Variants in HSPB7 observed in about 807,000 individuals in gnomAD.
The protein encoded by HSPB7 is heat shock protein family B (small) member 7.
A neutral mutation model predicts 11.0 loss-of-function variants in HSPB7; 9 were observed. That is an observed-to-expected ratio of 0.82 (90% confidence interval 0.49 to 1.43). The LOEUF is 1.43. HSPB7 is among the 40% of genes most tolerant of loss of function. The pLI is 0.00. For missense variants in HSPB7, 246 were observed against 243.9 expected, an observed-to-expected ratio of 1.01 and a Z score of -0.06; for synonymous variants, 102 against 101.6, an observed-to-expected ratio of 1.00 and a Z score of -0.02.
At chr1:16,018,201 G>C, upstream of HSPB7, 1 of 1,498,312 alleles carries the variant, frequency 6.7e-7, no homozygotes, top group Non-Finnish European at 9.0e-7. Context: ...CACGCAGGCC[G>C]AGAGGGCTGA....
upstream of HSPB7, chr1:16,018,193 C>G: frequency 6.6e-7 from 1 of 1,508,534 alleles, no homozygotes; most frequent in Non-Finnish European, 8.9e-7. Context: ...CAGCCCGACA[C>G]GCAGGCCGAG....
At chr1:16,017,471 C>A (rs754153353) in intron 1 of HSPB7, 20 of 587,942 alleles carry the variant, frequency 3.4e-5, no homozygotes, top group Non-Finnish European at 5.9e-5. Flanking sequence ...TGCCCCCCAC[C>A]GCTCACCCAT....
At position 16,015,083 on chromosome 1, in the gene HSPB7, T is replaced by C. The variant is rs2021598295; in HGVS notation, c.*497A>G. On this transcript the variant is annotated 3_prime_UTR_variant, in exon 3 of 3. Coordinates refer to ENST00000311890, the MANE Select transcript of HSPB7 (RefSeq NM_014424.5). The surrounding 1 kb of genome is among the most constrained non-coding windows in gnomAD (Gnocchi z 4.9). ...GTTTACCGTCACGGCTGTCTCCTCT[T>C]GGCCTTGCTGAGCCCTCGGGCAATT... 6.5e-6 allele frequency: 1 copy of C among 153,988 alleles called. No homozygotes were observed. The highest frequency in any genetic ancestry group is 1.4e-5 in the Non-Finnish European group (1 of 69,098). The allele number at this position is 153,988 out of a possible 1,614,324, so 9.5% of individuals were successfully genotyped here.
At chr1:16,017,349 A>C in intron 1 of HSPB7, 142 bp from the exon 2 acceptor site, 2 of 1,080,788 alleles carry the variant, frequency 1.9e-6, no homozygotes, top group Non-Finnish European at 2.7e-6. Context: ...GCTCCTCCTC[A>C]TTCCTACAGC....
At chr1:16,016,216 G>A (rs529599919) in intron 2 of HSPB7, among the ~76,000 whole-genome samples, 1 of 152,252 alleles carries the variant, frequency 6.6e-6, no homozygotes, top group Non-Finnish European at 1.5e-5. Flanking sequence ...ACTGTTGGGG[G>A]TGGCAGGGCT....
chr1:16,015,698 A>G lies in HSPB7; in HGVS notation c.395T>C (p.Val132Ala). ...FAHKCQLPED[V>A]DPTSVTSALR... is the part of the protein sequence containing the mutation. ...AGCCGAGGTCACCGACGTCGGGTCC[A>G]CGTCCTCCGGCAGCTGGCACTTGTG... The change falls in exon 3 of 3, where the codon GTG becomes GCG. Residue 132 changes from valine to alanine, a missense_variant. By Grantham distance (64) the Val-to-Ala change is moderately conservative. Coordinates refer to ENST00000311890, the MANE Select transcript of HSPB7 (RefSeq NM_014424.5). This position sits in a 1 kb window ranked among gnomAD's most constrained non-coding sequence, Gnocchi z 4.9. The G allele has an allele frequency of 6.2e-7, 1 of 1,612,534 alleles. No homozygotes were observed. The highest frequency in any genetic ancestry group is 1.1e-5 in the South Asian group (1 of 91,006).
intron 1 of HSPB7, 23 bp downstream of exon 1, chr1:16,017,742 C>T (rs758793450): frequency 8.4e-6 from 13 of 1,546,048 alleles, no homozygotes; most frequent in Admixed American, 2.1e-5. Context: ...ACCTCCCCTC[C>T]CCTCAGGGCC....
chr1:16,015,595 C>T lies in HSPB7; in HGVS notation c.498G>A (p.Thr166=), dbSNP rs763036096. 51 of 1,613,918 alleles carry T rather than the reference C, an allele frequency of 3.2e-5. No individual in the cohort carries two copies. The highest frequency in any genetic ancestry group is 1.0e-4 in the Admixed American group (6 of 59,984). The part of the protein sequence containing the change: ...HTEHVQQTFR[T]EIKI ...GGAGAGGCACTCAGATTTTGATCTC[C>T]GTCCGGAAGGTCTGCTGGACGTGTT... The change falls in exon 3 of 3, where the codon ACG becomes ACA. Residue 166 remains threonine (T), a synonymous_variant. Transcript: ENST00000311890. This position sits in a 1 kb window ranked among gnomAD's most constrained non-coding sequence, Gnocchi z 4.9.
chr1:16,018,503 C>T, upstream of HSPB7: 1 of 1,107,430 alleles, frequency 9.0e-7, no homozygotes, highest in Non-Finnish European at 1.1e-6. Flanking sequence ...GTCAGGAGCT[C>T]CTTCCCTCAA....
Position 16,015,668 on chromosome 1 carries a change from C to A in HSPB7, c.425G>T (p.Arg142Leu), listed in dbSNP as rs992078932. The change falls in exon 3 of 3, where the codon CGG becomes CTG. Residue 142 changes from arginine (R) to leucine (L), a missense_variant. Arg to Leu is a moderately radical substitution (Grantham distance 102, BLOSUM62 -2). Coordinates refer to ENST00000311890, the MANE Select transcript of HSPB7 (RefSeq NM_014424.5). This position sits in a 1 kb window ranked among gnomAD's most constrained non-coding sequence, Gnocchi z 4.9. ...CCGGATAGTGAGGCTGCCGTCCTCC[C>A]GCAGAGCCGAGGTCACCGACGTCGG... ...VDPTSVTSAL[R>L]EDGSLTIRAR... 2 of 1,613,554 alleles carry A rather than the reference C, an allele frequency of 1.2e-6. No homozygotes were observed. The highest frequency in any genetic ancestry group is 2.7e-5 in the African/African-American group (2 of 74,914).
chr1:16,015,291 C>A lies in HSPB7; in HGVS notation c.*289G>T, dbSNP rs1557437544. ...TGTCCTGCTGGTCCCATTCCCCTGA[C>A]CCACAGTGGGTTCTTTAGATCTTCC... On this transcript the variant is annotated 3_prime_UTR_variant, in exon 3 of 3. Coordinates refer to ENST00000311890, the MANE Select transcript of HSPB7 (RefSeq NM_014424.5). This position sits in a 1 kb window ranked among gnomAD's most constrained non-coding sequence, Gnocchi z 4.9. 3 of 399,890 alleles carry A rather than the reference C, an allele frequency of 7.5e-6. No individual in the cohort carries two copies. Among genetic ancestry groups the A allele is most frequent in the Non-Finnish European group, 1.4e-5 (3 of 218,954 alleles). The allele number at this position is 399,890 out of a possible 1,614,324, so 24.8% of individuals were successfully genotyped here.
rs749251286 is a variant in HSPB7, at chr1:16,017,847, C to T, written c.117G>A (p.Pro39=). The T allele has an allele frequency of 1.2e-5, 20 of 1,613,650 alleles. No homozygotes were observed. Among genetic ancestry groups the T allele is most frequent in the African/African-American group, 5.3e-5 (4 of 74,926 alleles). Residue 39 remains proline (P), a synonymous_variant, in exon 1 of 3, where the codon CCG becomes CCA. Coordinates refer to ENST00000311890, the MANE Select transcript of HSPB7 (RefSeq NM_014424.5). The part of the protein sequence containing the change: ...SASRALPAQD[P]PMEKALSMFS... ...ACATGCTCAGGGCCTTCTCCATGGG[C>T]GGGTCCTGGGCCGGGAGAGCACGGG...
At position 16,015,565 on chromosome 1, in the gene HSPB7, G is replaced by A; in HGVS notation, c.*15C>T. 6.2e-7 allele frequency: 1 copy of A among 1,613,264 alleles called. No homozygotes were observed. The highest frequency in any genetic ancestry group is 8.5e-7 in the Non-Finnish European group (1 of 1,179,372). ...GCGTGGGGCGGGGGGACAGGGAAAG[G>A]GAAGGGAGAGGCACTCAGATTTTGA... On this transcript the variant is annotated 3_prime_UTR_variant, in exon 3 of 3. Transcript: ENST00000311890. This position sits in a 1 kb window ranked among gnomAD's most constrained non-coding sequence, Gnocchi z 4.9.
At chr1:16,018,782 A>G, upstream of HSPB7, 1 of 1,110,504 alleles carries the variant, frequency 9.0e-7, no homozygotes. Context: ...TTTCAGTCAG[A>G]GGTAAAAGAG....
At chr1:16,017,034 C>T (rs1229351363) in intron 2 of HSPB7, 40 bp downstream of exon 2, 2 of 1,585,818 alleles carry the variant, frequency 1.3e-6, no homozygotes, top group Non-Finnish European at 1.7e-6. Flanking sequence ...GAGGCAGGAG[C>T]AGAATTTGGG....
Position 16,015,863 on chromosome 1 carries a change from T to C in HSPB7, c.334-104A>G. The C allele has an allele frequency of 9.0e-7, 1 of 1,107,414 alleles. No homozygotes were observed. Among genetic ancestry groups the C allele is most frequent in the Non-Finnish European group, 1.3e-6 (1 of 788,746 alleles). 68.6% of individuals were successfully genotyped at this position (1,107,414 alleles called of 1,614,324 possible). On this transcript the variant is annotated intron_variant, in intron 2 of 2. Coordinates refer to ENST00000311890, the MANE Select transcript of HSPB7 (RefSeq NM_014424.5). This position sits in a 1 kb window ranked among gnomAD's most constrained non-coding sequence, Gnocchi z 4.9. Reference sequence around the variant, plus strand: ...ATTCTAACCCCAGCCAGACCCCACATGCCGAGGGGCTCTGCCCTCAGGTGC... The same window carrying C: ...ATTCTAACCCCAGCCAGACCCCACACGCCGAGGGGCTCTGCCCTCAGGTGC...
At chr1:16,018,947 T>C, upstream of HSPB7, 3 of 1,080,882 alleles carry the variant, frequency 2.8e-6, no homozygotes, top group Non-Finnish European at 3.8e-6. Context: ...AAGCGAAGCC[T>C]CTTGGAAAGG....
In HSPB7 at chr1:16,015,634, A is replaced by T; in HGVS notation, c.459T>A (p.Arg153=). 2 of 1,613,898 alleles carry T rather than the reference A, an allele frequency of 1.2e-6. No individual in the cohort carries two copies. The highest frequency in any genetic ancestry group is 1.7e-6 in the Non-Finnish European group (2 of 1,179,942). Residue 153 remains arginine (R), a synonymous_variant, in exon 3 of 3, where the codon CGT becomes CGA. Transcript: ENST00000311890. This position sits in a 1 kb window ranked among gnomAD's most constrained non-coding sequence, Gnocchi z 4.9. The part of the protein sequence containing the change: ...EDGSLTIRAR[R]HPHTEHVQQT... Reference sequence around the variant, plus strand: ...GCTGGACGTGTTCTGTATGCGGGTGACGCCGTGCCCGGATAGTGAGGCTGC... The same window carrying T: ...GCTGGACGTGTTCTGTATGCGGGTGTCGCCGTGCCCGGATAGTGAGGCTGC...
upstream of HSPB7, chr1:16,018,873 CG>C (rs2021954182): frequency 7.5e-7 from 1 of 1,338,140 alleles, no homozygotes. Context: ...CTGTCCAGCA[CG>C]GCCCCGTTTG....
Sources: gnomAD v4.1 joint callset for allele counts (sites outside exome capture counted in the v4.1 genomes callset) on GRCh38, gnomAD v4.1.1 for gene constraint, Gnocchi (gnomAD v3.1) non-coding constraint, MANE v1.5 for transcripts, NCBI Gene and HGNC (gene_info 2026-07-23, HGNC 2026-07-21) for gene names.